Variants in FHOD3 observed in about 807,000 individuals in gnomAD.
The protein encoded by FHOD3 is formin homology 2 domain containing 3, also known as FH1/FH2 domain-containing protein 3.
In FHOD3, 90 loss-of-function variants were observed where a neutral mutation model predicts 173.0. The observed-to-expected ratio is 0.52, with a 90% CI of 0.44 to 0.62. FHOD3 has a LOEUF of 0.62. Among genes scored for constraint, FHOD3 ranks in the 20% least tolerant of loss-of-function variants. The probability of loss-of-function intolerance (pLI) is 0.00; values close to 1 mark genes in which losing one functional copy is unlikely to be tolerated. For synonymous variants in FHOD3, 828 were observed against 823.0 expected, an observed-to-expected ratio of 1.01 and a Z score of -0.10; for missense variants, 1,945 against 2,034.7, an observed-to-expected ratio of 0.96 and a Z score of 0.85.
chr18:36,652,821 A>C lies in FHOD3; in HGVS notation c.1538A>C (p.Asp513Ala). ...PGSLKVSPTI[D>A]KLPYVPHSPF... ...TCCCTGAAGGTGTCACCGACCATAGACAAGCTGCCCTACGTGCCCCACAGC... is the reference window on the plus strand; with the variant it reads ...TCCCTGAAGGTGTCACCGACCATAGCCAAGCTGCCCTACGTGCCCCACAGC... The change falls in exon 12 of 29, where the codon GAC becomes GCC. Residue 513 changes from aspartate (D) to alanine (A), a missense_variant. Transcript: ENST00000590592. The C allele has an allele frequency of 2.0e-6, 3 of 1,535,904 alleles. No homozygotes were observed. The highest frequency in any genetic ancestry group is 2.6e-6 in the Non-Finnish European group (3 of 1,146,708).
intron 1 of FHOD3, among the ~76,000 whole-genome samples, chr18:36,315,747 C>T (rs1273212137): frequency 6.6e-6 from 1 of 152,106 alleles, no homozygotes; most frequent in African/African-American, 2.4e-5. Flanking sequence ...GGGGAGAGGA[C>T]CCCAGATCTG....
intron 14 of FHOD3, among the ~76,000 whole-genome samples, chr18:36,674,293 G>T (rs1430905830): frequency 6.6e-6 from 1 of 152,106 alleles, no homozygotes; most frequent in African/African-American, 2.4e-5. Flanking sequence ...CAGTGCTGAG[G>T]GTTGAATCCA....
intron 19 of FHOD3, among the ~76,000 whole-genome samples, chr18:36,728,459 A>G (rs951459859): frequency 1.3e-5 from 2 of 152,222 alleles, no homozygotes; most frequent in Admixed American, 6.5e-5. Flanking sequence ...CTTTCCCTGA[A>G]GAGTGGGGAG....
intron 3 of FHOD3, among the ~76,000 whole-genome samples, chr18:36,493,480 T>A (rs1320245572): frequency 3.3e-5 from 5 of 152,186 alleles, no homozygotes; most frequent in African/African-American, 9.7e-5. Context: ...AGTCCAATTC[T>A]CTTGCCTCAC....
intron 3 of FHOD3, among the ~76,000 whole-genome samples, chr18:36,416,992 A>G (rs1343672290): frequency 1.3e-5 from 2 of 152,176 alleles, no homozygotes; most frequent in Non-Finnish European, 2.9e-5. Flanking sequence ...AAATCAGAAC[A>G]TATAGATATA....
intron 3 of FHOD3, among the ~76,000 whole-genome samples, chr18:36,424,814 TG>T (rs2050157593): frequency 6.6e-6 from 1 of 152,226 alleles, no homozygotes; most frequent in South Asian, 2.1e-4. Flanking sequence ...TGAAATCTCT[TG>T]CCCTTGTCCC....
intron 8 of FHOD3, among the ~76,000 whole-genome samples, chr18:36,610,750 G>A (rs1272326139): frequency 6.6e-6 from 1 of 152,114 alleles, no homozygotes; most frequent in African/African-American, 2.4e-5. Context: ...CAGAAGTGTT[G>A]GTCTTATTCC....
intron 27 of FHOD3, among the ~76,000 whole-genome samples, chr18:36,761,011 T>C (rs1428628645): frequency 1.3e-5 from 2 of 152,184 alleles, no homozygotes; most frequent in Non-Finnish European, 2.9e-5. Flanking sequence ...AGGGAATCCT[T>C]ACCGGGGATG....
At chr18:36,414,688 A>G (rs2049534040) in intron 3 of FHOD3, among the ~76,000 whole-genome samples, 2 of 152,216 alleles carry the variant, frequency 1.3e-5, no homozygotes. Flanking sequence ...TGGCGGCAGT[A>G]GAAGCCACCA....
chr18:36,672,917 T>A (rs910689758), intron 14 of FHOD3, among the ~76,000 whole-genome samples: 1 of 152,218 alleles, frequency 6.6e-6, no homozygotes, highest in African/African-American at 2.4e-5. Flanking sequence ...CCTCTTTTTT[T>A]AATCCTTTTC....
intron 10 of FHOD3, among the ~76,000 whole-genome samples, chr18:36,633,697 A>G (rs1218705186): frequency 6.6e-6 from 1 of 152,224 alleles, no homozygotes; most frequent in African/African-American, 2.4e-5. Context: ...CTCTGAATCT[A>G]TAGAATGTGT....
chr18:36,549,913 T>C (rs565328599), intron 5 of FHOD3, among the ~76,000 whole-genome samples: 1 of 151,926 alleles, frequency 6.6e-6, no homozygotes, highest in Non-Finnish European at 1.5e-5. Context: ...TTTTTTTTTC[T>C]AGAAGGTTTT....
chr18:36,740,766 GTCC>G lies in FHOD3; in HGVS notation c.3691_3693del (p.Ser1231del). Reference sequence around the variant, plus strand: ...GTGCAGAGCAGTTCCTCCTCACCCTGTCCTCCATCAGCGAGCTCTCTGCACGAC... The same window carrying G: ...GTGCAGAGCAGTTCCTCCTCACCCTGTCCATCAGCGAGCTCTCTGCACGAC... On this transcript the variant is annotated inframe_deletion, in exon 21 of 29. Transcript: ENST00000590592. 3 of 1,614,040 alleles carry G rather than the reference GTCC, an allele frequency of 1.9e-6. No individual in the cohort carries two copies. Among genetic ancestry groups the G allele is most frequent in the Non-Finnish European group, 2.5e-6 (3 of 1,180,010 alleles).
chr18:36,416,065 ACT>A (rs1353955667), intron 3 of FHOD3, among the ~76,000 whole-genome samples: 1 of 152,056 alleles, frequency 6.6e-6, no homozygotes, highest in Non-Finnish European at 1.5e-5. Context: ...ATGGAGTTTC[ACT>A]CTGTTGCTAG....
At chr18:36,697,796 CAT>C (rs1377411945) in intron 17 of FHOD3, among the ~76,000 whole-genome samples, 1 of 152,192 alleles carries the variant, frequency 6.6e-6, no homozygotes, top group Non-Finnish European at 1.5e-5. Context: ...AAAATTTAGA[CAT>C]AGAGTATCAT....
intron 5 of FHOD3, among the ~76,000 whole-genome samples, chr18:36,523,938 C>A (rs186336830): frequency 5.0e-4 from 76 of 152,258 alleles, no homozygotes; most frequent in African/African-American, 1.8e-3. Flanking sequence ...ATGACATAGA[C>A]CCCAGCCAAG....
intron 14 of FHOD3, among the ~76,000 whole-genome samples, chr18:36,678,319 T>G (rs2037994398): frequency 6.6e-6 from 1 of 152,024 alleles, no homozygotes; most frequent in Non-Finnish European, 1.5e-5. Flanking sequence ...GCAGGATTGC[T>G]TCAGCCCAAG....
intron 14 of FHOD3, among the ~76,000 whole-genome samples, chr18:36,676,750 G>A (rs2037887401): frequency 6.6e-6 from 1 of 152,100 alleles, no homozygotes; most frequent in Admixed American, 6.5e-5. Flanking sequence ...GGTTTTGCTT[G>A]CATTCCTTTT....
chr18:36,519,827 C>G (rs1415130968), intron 5 of FHOD3, among the ~76,000 whole-genome samples: 1 of 152,210 alleles, frequency 6.6e-6, no homozygotes, highest in East Asian at 1.9e-4. Context: ...CTAACTCTAC[C>G]TAAGCACTTT....
Sources: gnomAD v4.1 joint callset for allele counts (sites outside exome capture counted in the v4.1 genomes callset) on GRCh38, gnomAD v4.1.1 for gene constraint, MANE v1.5 for transcripts, NCBI Gene and HGNC (gene_info 2026-07-23, HGNC 2026-07-21) for gene names.